FLT1: variants seen among roughly 807,000 people sequenced by gnomAD.
The protein encoded by FLT1 is vascular endothelial growth factor receptor 1.
Under a neutral mutation model 156.3 loss-of-function variants are expected in FLT1, and 49 were observed. The ratio of observed to expected loss-of-function variants is 0.31; its 90% CI spans 0.25 to 0.40. FLT1 has a LOEUF of 0.40. Ranked by LOEUF, FLT1 falls within the 10% of genes least tolerant of loss-of-function variation. The pLI, the probability that FLT1 is intolerant of heterozygous loss-of-function variation, is 1.00. For synonymous variants in FLT1, 594 were observed against 583.8 expected (o/e 1.02, Z -0.25); for missense variants, 1,322 against 1,637.2 (o/e 0.81, Z 3.32).
At chr13:28,381,984 T>A (rs1012944092) in intron 14 of FLT1, among the ~76,000 whole-genome samples, 2 of 152,034 alleles carry the variant, frequency 1.3e-5, no homozygotes, top group African/African-American at 4.8e-5. Flanking sequence ...AGACAAGACA[T>A]AAATAAGACA....
At chr13:28,357,922 A>G (rs1336827151) in intron 14 of FLT1, among the ~76,000 whole-genome samples, 1 of 120,074 alleles carries the variant, frequency 8.3e-6, no homozygotes, top group Non-Finnish European at 1.6e-5. Context: ...TTCACCACCC[A>G]GCAGAGCTGT....
At chr13:28,387,975 T>C (rs1180409392) in intron 13 of FLT1, 1 of 1,060,860 alleles carries the variant, frequency 9.4e-7, no homozygotes, top group African/African-American at 1.6e-5. Context: ...AAATGGTAGG[T>C]TCTGCATGTC....
intron 19 of FLT1, 44 bp from the exon 20 acceptor site, chr13:28,327,594 C>T: frequency 1.5e-6 from 2 of 1,367,464 alleles, no homozygotes; most frequent in Non-Finnish European, 2.1e-6. Flanking sequence ...CACACCAAGC[C>T]AGTCAGCCAT....
intron 15 of FLT1, among the ~76,000 whole-genome samples, chr13:28,355,145 A>G (rs897703313): frequency 2.0e-5 from 3 of 152,238 alleles, no homozygotes; most frequent in Non-Finnish European, 4.4e-5. Flanking sequence ...TGAGAAGAGC[A>G]GAGGAAGGGC....
chr13:28,318,908 T>G (rs909046603), intron 24 of FLT1, among the ~76,000 whole-genome samples: 1 of 152,200 alleles, frequency 6.6e-6, no homozygotes. Context: ...TGTTTATTGC[T>G]TATCCTGTAT....
chr13:28,344,822 T>G, intron 16 of FLT1, among the ~76,000 whole-genome samples: 2 of 141,758 alleles, frequency 1.4e-5, no homozygotes, highest in Non-Finnish European at 3.0e-5. Flanking sequence ...TTTTTTTTTT[T>G]TGAGACAGGG....
chr13:28,379,595 G>A (rs986826823), intron 14 of FLT1, among the ~76,000 whole-genome samples: 1 of 152,192 alleles, frequency 6.6e-6, no homozygotes, highest in African/African-American at 2.4e-5. Context: ...CAGACAGCAT[G>A]CCAACCCCGA....
chr13:28,383,821 G>A (rs1435068848), intron 14 of FLT1, among the ~76,000 whole-genome samples: 1 of 152,110 alleles, frequency 6.6e-6, no homozygotes. Context: ...GACAGAGTGA[G>A]ACTGTCTCAA....
chr13:28,403,589 T>C (rs1265110293), intron 11 of FLT1, among the ~76,000 whole-genome samples: 1 of 152,210 alleles, frequency 6.6e-6, no homozygotes, highest in Non-Finnish European at 1.5e-5. Context: ...TATAAATTCT[T>C]GTGTTAATAT....
At chr13:28,454,089 C>G (rs1216089912) in intron 3 of FLT1, among the ~76,000 whole-genome samples, 3 of 152,080 alleles carry the variant, frequency 2.0e-5, no homozygotes, top group Non-Finnish European at 2.9e-5. Flanking sequence ...AGTCCACACC[C>G]CTCTTACTGC....
At chr13:28,457,771 C>T (rs1287961664) in intron 3 of FLT1, among the ~76,000 whole-genome samples, 1 of 152,084 alleles carries the variant, frequency 6.6e-6, no homozygotes, top group Non-Finnish European at 1.5e-5. Flanking sequence ...CTTAAAAGAT[C>T]ACTTGAGGGA....
chr13:28,378,844 C>A (rs921522359), intron 14 of FLT1, among the ~76,000 whole-genome samples: 7 of 152,070 alleles, frequency 4.6e-5, no homozygotes, highest in Admixed American at 6.5e-5. Flanking sequence ...TAACACGGTG[C>A]CTTGGTACCT....
chr13:28,460,869 T>C (rs2137608778), intron 3 of FLT1, among the ~76,000 whole-genome samples: 1 of 152,146 alleles, frequency 6.6e-6, no homozygotes, highest in South Asian at 2.1e-4. Flanking sequence ...AAAATGGATA[T>C]ATGAATGTAT....
chr13:28,359,036 G>C (rs1412084854), intron 14 of FLT1, among the ~76,000 whole-genome samples: 1 of 152,082 alleles, frequency 6.6e-6, no homozygotes, highest in Non-Finnish European at 1.5e-5. Context: ...CAGACTATAG[G>C]CTGTATTTCA....
intron 10 of FLT1, among the ~76,000 whole-genome samples, chr13:28,426,573 G>C (rs1043262480): frequency 2.0e-5 from 3 of 152,168 alleles, no homozygotes; most frequent in Admixed American, 6.6e-5. Flanking sequence ...TCATACTGAG[G>C]GGGAAGAAGT....
intron 20 of FLT1, among the ~76,000 whole-genome samples, chr13:28,325,816 C>CAAAAAAA (rs377427677): frequency 1.4e-5 from 1 of 71,166 alleles, no homozygotes; most frequent in Non-Finnish European, 2.5e-5. Flanking sequence ...AACTCTGTCT[C>CAAAAAAA]AAAAAAAAAA....
Position 28,427,144 on chromosome 13 carries a change from A to C in FLT1, c.1436+15T>G. 1 of 1,612,970 alleles carries C rather than the reference A, an allele frequency of 6.2e-7. No individual in the cohort carries two copies. Among genetic ancestry groups the C allele is most frequent in the South Asian group, 1.1e-5 (1 of 91,064 alleles). ...AAAGTATTTGAAAGTTAGTAAAAAAACTGACTGTCCCTACCTTGCTTCGGA... is the reference window on the plus strand; with the variant it reads ...AAAGTATTTGAAAGTTAGTAAAAAACCTGACTGTCCCTACCTTGCTTCGGA... On this transcript the variant is annotated intron_variant, in intron 10 of 29. Coordinates refer to ENST00000282397, the MANE Select transcript of FLT1 (RefSeq NM_002019.4).
At chr13:28,414,037 A>G (rs1876493723) in intron 10 of FLT1, among the ~76,000 whole-genome samples, 1 of 152,200 alleles carries the variant, frequency 6.6e-6, no homozygotes, top group Non-Finnish European at 1.5e-5. Flanking sequence ...CACTTTTAAT[A>G]AATTCTGCTT....
chr13:28,312,951 ATTTTAT>A (rs60905945), intron 25 of FLT1, among the ~76,000 whole-genome samples: 123,932 of 142,790 alleles, frequency 0.87, 54,981 homozygotes, highest in East Asian at 0.96. Context: ...CTTCTCTTAC[ATTTTAT>A]TTTTATTTTT....
Sources: gnomAD v4.1 joint callset for allele counts (sites outside exome capture counted in the v4.1 genomes callset) on GRCh38, gnomAD v4.1.1 for gene constraint, MANE v1.5 for transcripts, NCBI Gene and HGNC (gene_info 2026-07-23, HGNC 2026-07-21) for gene names.